Variants in C8orf34 observed in about 807,000 individuals in gnomAD.
C8orf34 encodes chromosome 8 open reading frame 34, also known as uncharacterized protein C8orf34.
Under a neutral mutation model 68.3 loss-of-function variants are expected in C8orf34, and 65 were observed. That is an observed-to-expected ratio of 0.95 (90% confidence interval 0.78 to 1.17). C8orf34 has a LOEUF of 1.17. C8orf34 is among the 50% of genes most tolerant of loss of function. The pLI, the probability that C8orf34 is intolerant of heterozygous loss-of-function variation, is 0.00. For synonymous variants in C8orf34, 244 were observed against 241.2 expected (o/e 1.01, Z -0.11); for missense variants, 664 against 655.4 (o/e 1.01, Z -0.14).
chr8:68,388,959 A>G (rs1293585123), intron 1 of C8orf34, among the ~76,000 whole-genome samples: 2 of 152,302 alleles, frequency 1.3e-5, no homozygotes, highest in South Asian at 2.1e-4. Context: ...TTTCTGTCAC[A>G]TAACTGTACT....
intron 1 of C8orf34, among the ~76,000 whole-genome samples, chr8:68,431,884 C>G (rs1810466360): frequency 6.6e-6 from 1 of 152,148 alleles, no homozygotes; most frequent in Non-Finnish European, 1.5e-5. Context: ...ATTATTCAAG[C>G]AATTTATTCT....
intron 1 of C8orf34, among the ~76,000 whole-genome samples, chr8:68,384,994 C>T (rs896912402): frequency 1.1e-4 from 17 of 151,850 alleles, no homozygotes; most frequent in African/African-American, 1.7e-4. Flanking sequence ...AACGAAGGAA[C>T]GAAAAAAATA....
At chr8:68,628,494 T>G (rs1818601622) in intron 7 of C8orf34, among the ~76,000 whole-genome samples, 1 of 152,222 alleles carries the variant, frequency 6.6e-6, no homozygotes, top group South Asian at 2.1e-4. Context: ...CATACACGTT[T>G]TATTTTAAAC....
intron 8 of C8orf34, among the ~76,000 whole-genome samples, chr8:68,641,824 TATATAG>T (rs1276604780): frequency 6.6e-6 from 1 of 152,210 alleles, no homozygotes; most frequent in Non-Finnish European, 1.5e-5. Context: ...AGCTTCCTAA[TATATAG>T]ACTGTAAATC....
intron 5 of C8orf34, among the ~76,000 whole-genome samples, chr8:68,514,891 A>C (rs1814438993): frequency 6.6e-6 from 1 of 152,180 alleles, no homozygotes. Flanking sequence ...AAGTTCATCA[A>C]GGAGGGGAGT....
chr8:68,441,040 G>A (rs898174957), intron 2 of C8orf34, among the ~76,000 whole-genome samples: 49 of 152,082 alleles, frequency 3.2e-4, no homozygotes, highest in Admixed American at 1.6e-3. Context: ...TCCTGACCTC[G>A]TGATCCGCCC....
intron 10 of C8orf34, among the ~76,000 whole-genome samples, chr8:68,728,991 G>A (rs1013101231): frequency 2.0e-5 from 3 of 152,122 alleles, no homozygotes; most frequent in Admixed American, 2.0e-4. Context: ...CCCATGGATA[G>A]AAACTTAAAA....
At chr8:68,617,788 T>A (rs1818270788) in intron 7 of C8orf34, among the ~76,000 whole-genome samples, 1 of 152,190 alleles carries the variant, frequency 6.6e-6, no homozygotes. Context: ...TCGAGGAGTA[T>A]CTTTGTGGAG....
At chr8:68,496,121 C>T (rs1053094644) in intron 5 of C8orf34, among the ~76,000 whole-genome samples, 1 of 152,086 alleles carries the variant, frequency 6.6e-6, no homozygotes, top group Non-Finnish European at 1.5e-5. Context: ...AAGACTTTTT[C>T]CTCTTAAGAA....
rs149431726 is a variant in C8orf34, at chr8:68,501,149, C to T, written c.765+13098C>T. Among the ~76,000 whole-genome samples, 524 of 152,206 alleles carry T rather than the reference C, an allele frequency of 3.4e-3. 6 individuals are homozygous for T. Among genetic ancestry groups the T allele is most frequent in the African/African-American group, 0.012 (483 of 41,546 alleles). Reference sequence around the variant, plus strand: ...ATCAAGCCCAAGTTCAAGCTGAGGGCGCTGGTTTCCATGATCAAGGAACTA... The same window carrying T: ...ATCAAGCCCAAGTTCAAGCTGAGGGTGCTGGTTTCCATGATCAAGGAACTA... On this transcript the variant is annotated intron_variant, in intron 5 of 13. Transcript: ENST00000518698.
chr8:68,579,553 A>AT (rs1817000981), intron 7 of C8orf34, among the ~76,000 whole-genome samples: 1 of 152,120 alleles, frequency 6.6e-6, no homozygotes, highest in African/African-American at 2.4e-5. Flanking sequence ...TTACCCCTGT[A>AT]GAGAAAACCT....
intron 4 of C8orf34, among the ~76,000 whole-genome samples, chr8:68,472,393 C>G (rs959371421): frequency 6.6e-6 from 1 of 152,140 alleles, no homozygotes; most frequent in East Asian, 1.9e-4. Flanking sequence ...TCTTTACCTT[C>G]CTTTAAAGGG....
At chr8:68,711,560 G>A (rs1417085377) in intron 9 of C8orf34, among the ~76,000 whole-genome samples, 3 of 151,882 alleles carry the variant, frequency 2.0e-5, no homozygotes, top group Non-Finnish European at 4.4e-5. Flanking sequence ...ACAAGCAGAA[G>A]AAAGAACTCC....
At chr8:68,413,939 T>C (rs1312812515) in intron 1 of C8orf34, among the ~76,000 whole-genome samples, 1 of 152,188 alleles carries the variant, frequency 6.6e-6, no homozygotes, top group East Asian at 1.9e-4. Flanking sequence ...AGGTTAGACA[T>C]CCTCCTACCT....
At chr8:68,438,781 A>G (rs999438893) in intron 1 of C8orf34, 2 of 152,148 alleles carry the variant, frequency 1.3e-5, no homozygotes, top group African/African-American at 4.8e-5. Flanking sequence ...CTGACTGGAA[A>G]AAAAAATATG....
chr8:68,353,006 A>G (rs1167780114), intron 1 of C8orf34, among the ~76,000 whole-genome samples: 1 of 152,134 alleles, frequency 6.6e-6, no homozygotes. Flanking sequence ...TTGCAACATA[A>G]TGAAGTAGAT....
intron 1 of C8orf34, among the ~76,000 whole-genome samples, chr8:68,404,659 AG>A (rs1438445288): frequency 2.0e-5 from 3 of 152,096 alleles, no homozygotes; most frequent in Admixed American, 6.6e-5. Flanking sequence ...TGTTTTTGTC[AG>A]GTTTGTCAAA....
chr8:68,753,658 A>G (rs1462747295), intron 10 of C8orf34, among the ~76,000 whole-genome samples: 1 of 152,222 alleles, frequency 6.6e-6, no homozygotes, highest in Non-Finnish European at 1.5e-5. Flanking sequence ...GGAAACTAGG[A>G]GTCCAGCCTC....
At chr8:68,616,365 C>G (rs976787230) in intron 7 of C8orf34, among the ~76,000 whole-genome samples, 5 of 152,092 alleles carry the variant, frequency 3.3e-5, no homozygotes, top group African/African-American at 7.2e-5. Context: ...CTTTTCTAGT[C>G]TTTTAATTGT....
Sources: allele counts gnomAD v4.1 joint callset (sites outside exome capture counted in the v4.1 genomes callset), GRCh38; gene constraint gnomAD v4.1.1; transcripts MANE v1.5; gene names NCBI Gene and HGNC (gene_info 2026-07-23, HGNC 2026-07-21).